The following GSG1L2 variants were observed in gnomAD, a reference collection of about 807,000 sequenced individuals.
GSG1L2 encodes the protein germ cell-specific gene 1-like protein 2.
A neutral mutation model predicts 9.0 loss-of-function variants in GSG1L2; 15 were observed. The observed-to-expected ratio is 1.67, with a 90% CI of 1.12 to 2.57. The LOEUF (loss-of-function observed/expected upper bound fraction) is 2.57. Ranked by LOEUF, GSG1L2 falls within the 30% of genes most tolerant of loss-of-function variation. GSG1L2 has a pLI of 0.00. For missense variants in GSG1L2, 286 were observed against 150.3 expected (o/e 1.90, Z -4.72); for synonymous variants, 127 against 57.9 (o/e 2.19, Z -5.41).
At position 9,820,468 on chromosome 17, in the gene GSG1L2, A is replaced by T. The variant is rs1005503281; in HGVS notation, c.310+1294T>A. 4.7e-5 allele frequency among the ~76,000 whole-genome samples: 6 copies of T among 127,492 alleles called. No homozygotes were observed. Among genetic ancestry groups the T allele is most frequent in the Non-Finnish European group, 7.8e-5 (5 of 64,002 alleles). The allele number at this position is 127,492 out of a possible 152,430, so 83.6% of individuals were successfully genotyped here. A position where few individuals can be genotyped will look rare whatever the true frequency, so the allele number is the denominator to read the frequency against. ...CATAGGAAGATAGCACTCCCTGAGA[A>T]GCGAGGAACTGTGGAGGTCCTAAAT... On this transcript the variant is annotated intron_variant, in intron 1 of 4. Transcript: ENST00000399363. The surrounding 1 kb of genome is among the most constrained non-coding windows in gnomAD (Gnocchi z 4.9).
chr17:9,815,232 CA>C (rs1210163126), intron 1 of GSG1L2, among the ~76,000 whole-genome samples: 2 of 152,024 alleles, frequency 1.3e-5, no homozygotes, highest in Non-Finnish European at 2.9e-5. Context: ...ACTAAAAATA[CA>C]GAAAAAAATA....
intron 3 of GSG1L2, among the ~76,000 whole-genome samples, chr17:9,808,558 A>G (rs2066524944): frequency 6.6e-6 from 1 of 152,190 alleles, no homozygotes; most frequent in Admixed American, 6.5e-5. Flanking sequence ...AAGTGATGTC[A>G]GCTGTCAGAG....
At chr17:9,812,222 AGGAACAG>A (rs2066542017) in intron 1 of GSG1L2, among the ~76,000 whole-genome samples, 1 of 152,212 alleles carries the variant, frequency 6.6e-6, no homozygotes, top group Non-Finnish European at 1.5e-5. Flanking sequence ...GGAAGATTCC[AGGAACAG>A]AGGGAGTTTA....
chr17:9,821,626 C>T, intron 1 of GSG1L2, 136 bp downstream of exon 1: 3 of 630,784 alleles, frequency 4.8e-6, no homozygotes, highest in Non-Finnish European at 8.6e-6. Context: ...ACCCAGACAG[C>T]CTGGCTCCAG....
intron 1 of GSG1L2, among the ~76,000 whole-genome samples, chr17:9,815,278 T>G (rs554178455): frequency 6.6e-6 from 1 of 152,262 alleles, no homozygotes; most frequent in South Asian, 2.1e-4. Context: ...TAATCCCAAC[T>G]ACTCAGGAGG....
At chr17:9,821,201 G>C (rs571722668) in intron 1 of GSG1L2, among the ~76,000 whole-genome samples, 1 of 152,136 alleles carries the variant, frequency 6.6e-6, no homozygotes, top group Non-Finnish European at 1.5e-5. Flanking sequence ...CCCTGAACGC[G>C]GGCTTACAGC....
intron 1 of GSG1L2, among the ~76,000 whole-genome samples, chr17:9,813,745 G>T (rs960962306): frequency 7.2e-5 from 11 of 152,184 alleles, no homozygotes; most frequent in Admixed American, 7.2e-4. Flanking sequence ...GTTGGCAGCA[G>T]ATGGATACCA....
intron 1 of GSG1L2, among the ~76,000 whole-genome samples, chr17:9,821,347 G>A (rs1216425788): frequency 6.6e-6 from 1 of 152,166 alleles, no homozygotes; most frequent in Non-Finnish European, 1.5e-5. Context: ...CTTCGAGTTG[G>A]GTCGGGACCA....
Position 9,808,873 on chromosome 17 carries a change from C to T in GSG1L2, c.468G>A (p.Trp156Ter), listed in dbSNP as rs757921577. ...TGGCTACCAAGGCATCCACCCTGAG[C>T]CAGTGGAACCCAGGGCTGCGACAAC... is the stretch of plus-strand genomic sequence containing the variant. ...RVSCRSPGFH[W>*]LRVDALVAIF... Residue 156 changes from tryptophan (W) to a stop codon, truncating the protein, a stop_gained, in exon 3 of 5, where the codon TGG (tryptophan) becomes TGA (stop). Transcript: ENST00000399363. LOFTEE classifies it high-confidence loss of function. The T allele has an allele frequency of 1.4e-6, 1 of 702,964 alleles. No homozygotes were observed. Among genetic ancestry groups the T allele is most frequent in the Non-Finnish European group, 2.6e-6 (1 of 384,998 alleles). 43.5% of individuals were successfully genotyped at this position (702,964 alleles called of 1,614,324 possible). A position where few individuals can be genotyped will look rare whatever the true frequency, so the allele number is the denominator to read the frequency against.
chr17:9,802,970 G>A (rs2066502975), intron 4 of GSG1L2, among the ~76,000 whole-genome samples: 1 of 152,220 alleles, frequency 6.6e-6, no homozygotes, highest in East Asian at 1.9e-4. Flanking sequence ...TGCCACCAGG[G>A]TGGCTGTGAG....
intron 1 of GSG1L2, among the ~76,000 whole-genome samples, chr17:9,811,512 T>C (rs967420543): frequency 1.1e-4 from 16 of 152,158 alleles, no homozygotes; most frequent in Non-Finnish European, 1.9e-4. Flanking sequence ...CCACTTGGTG[T>C]GAAGATGTAA....
At position 9,801,014 on chromosome 17, in the gene GSG1L2, C is replaced by T. The variant is rs1489168285; in HGVS notation, c.*1372G>A. Among the ~76,000 whole-genome samples, 2 of 152,144 alleles carry T rather than the reference C, an allele frequency of 1.3e-5. No individual in the cohort carries two copies. The highest frequency in any genetic ancestry group is 2.9e-5 in the Non-Finnish European group (2 of 68,028). On this transcript the variant is annotated 3_prime_UTR_variant, in exon 5 of 5. Transcript: ENST00000399363. ...GCAGGTGCTCACCTTGAGCCACAAA[C>T]ACGAAGGTAGCTGGATTTTTTTTTT...
At chr17:9,817,626 T>A (rs1003446008) in intron 1 of GSG1L2, among the ~76,000 whole-genome samples, 6 of 152,092 alleles carry the variant, frequency 3.9e-5, no homozygotes, top group African/African-American at 7.2e-5. Context: ...GGTTTCACCA[T>A]GTTGGCCAGG....
chr17:9,811,232 A>T (rs9899873), intron 1 of GSG1L2, among the ~76,000 whole-genome samples: 73,730 of 152,000 alleles, frequency 0.49, 18,005 homozygotes, highest in Middle Eastern at 0.58. Flanking sequence ...GTGAGAGCAG[A>T]TTCAGAGCCA....
Position 9,820,942 on chromosome 17 carries a change from A to T in GSG1L2, c.310+820T>A, listed in dbSNP as rs950047338. ...CTTCCCAAAGTGCTAGGATTATAGG[A>T]ATGAGCCACCAGGCTGGGCCTCAGG... On this transcript the variant is annotated intron_variant, in intron 1 of 4. Coordinates refer to ENST00000399363, the MANE Select transcript of GSG1L2 (RefSeq NM_001310219.2). The surrounding 1 kb of genome is among the most constrained non-coding windows in gnomAD (Gnocchi z 4.9). Among the ~76,000 whole-genome samples the T allele has an allele frequency of 6.6e-6, 1 of 152,150 alleles. No homozygotes were observed. Among genetic ancestry groups the T allele is most frequent in the African/African-American group, 2.4e-5 (1 of 41,430 alleles).
rs571404555 is a variant in GSG1L2, at chr17:9,820,491, A to T, written c.310+1271T>A. ...GAAGCGAGGAACTGTGGAGGTCCTAAATAGCCTTAGCTCCAGGCACTATTG... is the reference window on the plus strand; with the variant it reads ...GAAGCGAGGAACTGTGGAGGTCCTATATAGCCTTAGCTCCAGGCACTATTG... On this transcript the variant is annotated intron_variant, in intron 1 of 4. Coordinates refer to ENST00000399363, the MANE Select transcript of GSG1L2 (RefSeq NM_001310219.2). This position sits in a 1 kb window ranked among gnomAD's most constrained non-coding sequence, Gnocchi z 4.9. Among the ~76,000 whole-genome samples, 1 of 152,260 alleles carries T rather than the reference A, an allele frequency of 6.6e-6. No homozygotes were observed. The highest frequency in any genetic ancestry group is 2.4e-5 in the African/African-American group (1 of 41,544).
At chr17:9,810,898 C>T (rs1281915154) in intron 1 of GSG1L2, 1 of 463,080 alleles carries the variant, frequency 2.2e-6, no homozygotes, top group Non-Finnish European at 3.9e-6. Flanking sequence ...GGTTCCTGTT[C>T]CCTTGCTCTG....
At chr17:9,813,966 G>A (rs1056832546) in intron 1 of GSG1L2, among the ~76,000 whole-genome samples, 2 of 151,626 alleles carry the variant, frequency 1.3e-5, no homozygotes, top group African/African-American at 2.4e-5. Context: ...ACGGAGGCTC[G>A]CTCTGTCGCC....
intron 2 of GSG1L2, chr17:9,809,375 T>G: frequency 3.7e-6 from 1 of 270,398 alleles, no homozygotes; most frequent in Non-Finnish European, 7.3e-6. Flanking sequence ...CAGTGAGTGT[T>G]ACAGCTCTTA....
Sources: gnomAD v4.1 joint callset for allele counts (sites outside exome capture counted in the v4.1 genomes callset) on GRCh38, gnomAD v4.1.1 for gene constraint, Gnocchi (gnomAD v3.1) non-coding constraint, MANE v1.5 for transcripts, NCBI Gene and HGNC (gene_info 2026-07-23, HGNC 2026-07-21) for gene names.